The following PSMC4 variants were observed in gnomAD, a reference collection of about 807,000 sequenced individuals.
The protein encoded by PSMC4 is 26S proteasome regulatory subunit 6B.
PSMC4 carries 13 observed loss-of-function variants against 48.4 expected under a neutral mutation model. The observed-to-expected ratio is 0.27, with a 90% CI of 0.18 to 0.43. The LOEUF (loss-of-function observed/expected upper bound fraction) is 0.43, where lower values mean the gene tolerates loss of function less well. Ranked by LOEUF, PSMC4 falls within the 20% of genes least tolerant of loss-of-function variation. PSMC4 has a pLI of 1.00. For missense variants in PSMC4, 262 were observed against 555.9 expected, an observed-to-expected ratio of 0.47 and a Z score of 5.32; for synonymous variants, 202 against 212.3, an observed-to-expected ratio of 0.95 and a Z score of 0.42.
intron 6 of PSMC4, chr19:39,979,576 A>AGTGACACAT (rs1198262621): frequency 3.5e-4 from 122 of 345,472 alleles, no homozygotes; most frequent in African/African-American, 2.3e-3. Context: ...AAAAAAAAAA[A>AGTGACACAT]GTGACACATT....
intron 1 of PSMC4, 110 bp from the exon 2 acceptor site, chr19:39,972,036 G>A (rs1971108464): frequency 1.9e-6 from 2 of 1,029,120 alleles, no homozygotes; most frequent in Non-Finnish European, 3.0e-6. Context: ...GTCTGTTAGG[G>A]GCTAAGTGAC....
intron 6 of PSMC4, among the ~76,000 whole-genome samples, chr19:39,978,079 C>T (rs1971232826): frequency 6.6e-6 from 1 of 152,230 alleles, no homozygotes; most frequent in Non-Finnish European, 1.5e-5. Context: ...CCTGCCTCAG[C>T]TCCCCAAAGT....
chr19:39,977,822 C>CA (rs1228247125), intron 6 of PSMC4, among the ~76,000 whole-genome samples: 92 of 141,878 alleles, frequency 6.5e-4, no homozygotes, highest in South Asian at 6.8e-4. Flanking sequence ...ATTCTGTTTC[C>CA]AAAAAAAAAA....
Position 39,980,352 on chromosome 19 carries a change from C to T in PSMC4, c.985C>T (p.Arg329Cys), listed in dbSNP as rs753685467. Residue 329 changes from arginine to cysteine, a missense_variant, in exon 9 of 11, where the codon CGT becomes TGT. Transcript: ENST00000157812. This position sits in a 1 kb window ranked among gnomAD's most constrained non-coding sequence, Gnocchi z 4.8. The part of the protein sequence containing the change: ...PALLRPGRLD[R>C]KIEFPLPDRR... ...CCTGCTACGGCCAGGACGGCTGGAC[C>T]GTAAAATTGAATTTCCACTTCCTGA... 9 of 1,614,036 alleles carry T rather than the reference C, an allele frequency of 5.6e-6. No individual in the cohort carries two copies. Among genetic ancestry groups the T allele is most frequent in the East Asian group, 2.2e-5 (1 of 44,872 alleles).
chr19:39,978,228 A>T (rs1436386346), intron 6 of PSMC4, among the ~76,000 whole-genome samples: 1 of 152,170 alleles, frequency 6.6e-6, no homozygotes, highest in Admixed American at 6.5e-5. Context: ...AAGGAGTAGT[A>T]GAGCCCAGGG....
intron 1 of PSMC4, 52 bp from the exon 2 acceptor site, chr19:39,972,094 C>A: frequency 1.3e-6 from 2 of 1,531,088 alleles, no homozygotes; most frequent in Non-Finnish European, 1.8e-6. Flanking sequence ...AGTTGGGAAG[C>A]TTTCATGAGA....
In PSMC4 at chr19:39,974,568, A is replaced by G. The variant is rs373413671; in HGVS notation, c.514A>G (p.Ile172Val). 21 of 1,613,994 alleles carry G rather than the reference A, an allele frequency of 1.3e-5. No individual in the cohort carries two copies. The African/African-American group carries it at 1.9e-4, about 14-fold the overall frequency. ...GTACGCGGACATCGGAGGCATGGAC[A>G]TCCAGAAGCAGGAGGTGCGGGAGGC... ...VMYADIGGMD[I>V]QKQEVREAVE... Residue 172 changes from isoleucine (I) to valine (V), a missense_variant, in exon 5 of 11, where the codon ATC (isoleucine) becomes GTC (valine). Transcript: ENST00000157812. This position sits in a 1 kb window ranked among gnomAD's most constrained non-coding sequence, Gnocchi z 5.5.
chr19:39,980,497 G>A lies in PSMC4; in HGVS notation c.1087+43G>A, dbSNP rs765788323. ...TCAGGGAGGGGCCCTAGTTGGGAAC[G>A]GGGATTAGATCTTCAGCTCAACTTC... On this transcript the variant is annotated intron_variant, in intron 9 of 10. Coordinates refer to ENST00000157812, the MANE Select transcript of PSMC4 (RefSeq NM_006503.4). This position sits in a 1 kb window ranked among gnomAD's most constrained non-coding sequence, Gnocchi z 4.8. 23 of 1,608,434 alleles carry A rather than the reference G, an allele frequency of 1.4e-5. No individual in the cohort carries two copies. Among genetic ancestry groups the A allele is most frequent in the Non-Finnish European group, 1.9e-5 (22 of 1,175,588 alleles).
At position 39,974,367 on chromosome 19, in the gene PSMC4, C is replaced by G. The variant is rs779358165; in HGVS notation, c.396C>G (p.Leu132=). 9 of 1,614,050 alleles carry G rather than the reference C, an allele frequency of 5.6e-6. No homozygotes were observed. In the Admixed American group the frequency reaches 1.5e-4, roughly 27 times the overall value. ...ELLKPNASVA[L]HKHSNALVDV... is the part of the protein sequence containing the mutation. Reference sequence around the variant, plus strand: ...TCAAGCCCAACGCCTCAGTGGCCCTCCACAAGCACAGCAATGCACTGGTGG... The same window carrying G: ...TCAAGCCCAACGCCTCAGTGGCCCTGCACAAGCACAGCAATGCACTGGTGG... The change falls in exon 4 of 11, where the codon CTC becomes CTG. Residue 132 remains leucine (L), a synonymous_variant. Coordinates refer to ENST00000157812, the MANE Select transcript of PSMC4 (RefSeq NM_006503.4). This position sits in a 1 kb window ranked among gnomAD's most constrained non-coding sequence, Gnocchi z 5.5.
In PSMC4 at chr19:39,981,569, A is replaced by G. The variant is rs1971287239; in HGVS notation, c.*264A>G. On this transcript the variant is annotated 3_prime_UTR_variant, in exon 11 of 11. Transcript: ENST00000157812. ...GCCTGGGTTGCAGCTTGAGAGAACC[A>G]AAATATTCAAACCAGATGACTTCCA... The G allele has an allele frequency of 5.8e-6, 2 of 347,604 alleles. No homozygotes were observed. Among genetic ancestry groups the G allele is most frequent in the South Asian group, 3.9e-5 (1 of 25,824 alleles). 21.5% of individuals were successfully genotyped at this position (347,604 alleles called of 1,614,324 possible). A position where few individuals can be genotyped will look rare whatever the true frequency, so the allele number is the denominator to read the frequency against.
intron 6 of PSMC4, among the ~76,000 whole-genome samples, chr19:39,979,062 C>T (rs564274680): frequency 2.0e-4 from 30 of 152,238 alleles, no homozygotes; most frequent in African/African-American, 6.3e-4. Context: ...TGCCCGTGGT[C>T]CCTGATCTTT....
rs754294123 is a variant in PSMC4, at chr19:39,980,345, G to A, written c.978G>A (p.Arg326=). ...ATCCGGCCCTGCTACGGCCAGGACG[G>A]CTGGACCGTAAAATTGAATTTCCAC... ...TLDPALLRPG[R]LDRKIEFPLP... Residue 326 remains arginine (R), a synonymous_variant, in exon 9 of 11, where the codon CGG becomes CGA. Coordinates refer to ENST00000157812, the MANE Select transcript of PSMC4 (RefSeq NM_006503.4). This position sits in a 1 kb window ranked among gnomAD's most constrained non-coding sequence, Gnocchi z 4.8. 6.8e-6 allele frequency: 11 copies of A among 1,613,958 alleles called. No individual in the cohort carries two copies. In the East Asian group the frequency reaches 2.5e-4, roughly 36 times the overall value.
chr19:39,973,798 G>T (rs542043334), intron 3 of PSMC4, among the ~76,000 whole-genome samples: 1 of 152,254 alleles, frequency 6.6e-6, no homozygotes, highest in East Asian at 1.9e-4. Flanking sequence ...GTGCGATTGT[G>T]CCTGGAATTG....
In PSMC4 at chr19:39,980,616, G is replaced by T; in HGVS notation, c.1088-46G>T. Reference sequence around the variant, plus strand: ...GGCCAAAGATGACTTCCAGCCCCAGGCATTTACCCCATCACACAGGGAATA... The same window carrying T: ...GGCCAAAGATGACTTCCAGCCCCAGTCATTTACCCCATCACACAGGGAATA... On this transcript the variant is annotated intron_variant, in intron 9 of 10. Coordinates refer to ENST00000157812, the MANE Select transcript of PSMC4 (RefSeq NM_006503.4). The surrounding 1 kb of genome is among the most constrained non-coding windows in gnomAD (Gnocchi z 4.8). The T allele has an allele frequency of 6.2e-7, 1 of 1,607,528 alleles. No individual in the cohort carries two copies. The highest frequency in any genetic ancestry group is 8.5e-7 in the Non-Finnish European group (1 of 1,174,180).
In PSMC4 at chr19:39,980,040, C is replaced by G. The variant is rs369580880; in HGVS notation, c.842-30C>G. The G allele has an allele frequency of 4.3e-6, 7 of 1,613,966 alleles. No individual in the cohort carries two copies. Among genetic ancestry groups the G allele is most frequent in the Non-Finnish European group, 5.9e-6 (7 of 1,179,970 alleles). On this transcript the variant is annotated intron_variant, in intron 7 of 10. Coordinates refer to ENST00000157812, the MANE Select transcript of PSMC4 (RefSeq NM_006503.4). The surrounding 1 kb of genome is among the most constrained non-coding windows in gnomAD (Gnocchi z 4.8). ...TTGGACAGGCTTGTCGCATGGGATG[C>G]CTGGGACTGACTGTGCTGTGCACTC...
In PSMC4 at chr19:39,972,434, C is replaced by T. The variant is rs756532956; in HGVS notation, c.201C>T (p.Asn67=). 2 of 1,614,084 alleles carry T rather than the reference C, an allele frequency of 1.2e-6. No individual in the cohort carries two copies. The highest frequency in any genetic ancestry group is 1.7e-6 in the Non-Finnish European group (2 of 1,180,020). The change falls in exon 3 of 11, where the codon AAC becomes AAT. Residue 67 remains asparagine, a synonymous_variant. Transcript: ENST00000157812. ...QEEYIKDEQK[N]LKKEFLHAQE... is the part of the protein sequence containing the mutation. ...AATACATCAAAGATGAGCAAAAGAA[C>T]CTGAAAAAGGAATTTCTCCATGCCC... is the stretch of plus-strand genomic sequence containing the variant.
intron 6 of PSMC4, among the ~76,000 whole-genome samples, chr19:39,978,789 G>A (rs559346317): frequency 1.6e-4 from 25 of 152,290 alleles, no homozygotes; most frequent in Middle Eastern, 3.4e-3. Flanking sequence ...GGCTAAGCCA[G>A]GAGGATCGCT....
chr19:39,971,922 TATG>T (rs1971107369), intron 1 of PSMC4, among the ~76,000 whole-genome samples: 1 of 152,136 alleles, frequency 6.6e-6, no homozygotes, highest in South Asian at 2.1e-4. Context: ...ATGAGTGGTA[TATG>T]ATAACATAAG....
chr19:39,974,208 T>G lies in PSMC4; in HGVS notation c.323-86T>G. ...CCCCTCAGGGTCTGAACCAGAGATG[T>G]TGGGGTGTGGAGATTAGGAGGGAGG... On this transcript the variant is annotated intron_variant, in intron 3 of 10. Coordinates refer to ENST00000157812, the MANE Select transcript of PSMC4 (RefSeq NM_006503.4). The surrounding 1 kb of genome is among the most constrained non-coding windows in gnomAD (Gnocchi z 5.5). 1.3e-6 allele frequency: 2 copies of G among 1,526,878 alleles called. No homozygotes were observed. Among genetic ancestry groups the G allele is most frequent in the Non-Finnish European group, 1.8e-6 (2 of 1,122,088 alleles). 94.6% of individuals were successfully genotyped at this position (1,526,878 alleles called of 1,614,324 possible).
Sources: allele counts gnomAD v4.1 joint callset (sites outside exome capture counted in the v4.1 genomes callset), GRCh38; gene constraint gnomAD v4.1.1; non-coding constraint Gnocchi (gnomAD v3.1); transcripts MANE v1.5; gene names NCBI Gene and HGNC (gene_info 2026-07-23, HGNC 2026-07-21).